R3HDM1: variants seen among roughly 807,000 people sequenced by gnomAD.
R3HDM1 encodes the protein R3H domain containing 1, also known as R3H domain-containing protein 1.
R3HDM1 carries 46 observed loss-of-function variants against 141.1 expected under a neutral mutation model. The ratio of observed to expected loss-of-function variants is 0.33; its 90% CI spans 0.26 to 0.42. R3HDM1 has a LOEUF of 0.42. Among genes scored for constraint, R3HDM1 ranks in the 10% least tolerant of loss-of-function variants. R3HDM1 has a pLI of 1.00. For missense variants in R3HDM1, 1,184 were observed against 1,368.3 expected, an observed-to-expected ratio of 0.87 and a Z score of 2.12; for synonymous variants, 435 against 472.9, an observed-to-expected ratio of 0.92 and a Z score of 1.04.
At chr2:135,624,198 A>G (rs1401098294) in intron 7 of R3HDM1, among the ~76,000 whole-genome samples, 1 of 152,138 alleles carries the variant, frequency 6.6e-6, no homozygotes, top group Non-Finnish European at 1.5e-5. Context: ...GATCGAGACC[A>G]TCCTGGCTAA....
At chr2:135,615,451 C>T (rs2060936321) in intron 3 of R3HDM1, among the ~76,000 whole-genome samples, 2 of 152,188 alleles carry the variant, frequency 1.3e-5, no homozygotes, top group Non-Finnish European at 2.9e-5. Flanking sequence ...ACAGGTGCTT[C>T]AGCTGGTTTC....
chr2:135,661,189 AT>A, intron 18 of R3HDM1, 80 bp from the exon 19 acceptor site: 1 of 1,530,310 alleles, frequency 6.5e-7, no homozygotes, highest in Non-Finnish European at 8.9e-7. Flanking sequence ...ATTATTACTC[AT>A]TAAACTCTGA....
At chr2:135,605,286 G>A (rs1162903984) in intron 3 of R3HDM1, 1 of 205,602 alleles carries the variant, frequency 4.9e-6, no homozygotes, top group African/African-American at 2.4e-5. Context: ...CTAATTACCA[G>A]TGCTGTGAGA....
At chr2:135,651,018 A>G in intron 17 of R3HDM1, 1 of 985,442 alleles carries the variant, frequency 1.0e-6, no homozygotes, top group Non-Finnish European at 1.2e-6. Flanking sequence ...ATCCTGTTGA[A>G]TTAGAGAAAT....
intron 20 of R3HDM1, among the ~76,000 whole-genome samples, chr2:135,677,453 T>C (rs1455394284): frequency 2.0e-5 from 3 of 152,182 alleles, no homozygotes; most frequent in Non-Finnish European, 4.4e-5. Context: ...CTGGTTCTAC[T>C]ATCTAATCCA....
intron 19 of R3HDM1, chr2:135,667,159 G>T (rs759056918): frequency 3.1e-6 from 3 of 974,372 alleles, no homozygotes; most frequent in Non-Finnish European, 3.7e-6. Context: ...GTTAATGCCT[G>T]TTCAATACTT....
At chr2:135,613,588 G>A (rs966754027) in intron 3 of R3HDM1, among the ~76,000 whole-genome samples, 1 of 152,134 alleles carries the variant, frequency 6.6e-6, no homozygotes, top group African/African-American at 2.4e-5. Flanking sequence ...AGGCCAAGGC[G>A]GACTGCTCAG....
intron 16 of R3HDM1, among the ~76,000 whole-genome samples, chr2:135,646,667 G>C (rs2064467811): frequency 6.6e-6 from 1 of 151,012 alleles, no homozygotes; most frequent in South Asian, 2.1e-4. Flanking sequence ...GGCCCAAATG[G>C]TGAAACCCCC....
intron 21 of R3HDM1, among the ~76,000 whole-genome samples, chr2:135,685,018 C>T (rs1056695690): frequency 6.6e-6 from 1 of 152,158 alleles, no homozygotes; most frequent in Admixed American, 6.5e-5. Flanking sequence ...CTCACCTCTA[C>T]CCCCAAAGTG....
intron 21 of R3HDM1, among the ~76,000 whole-genome samples, chr2:135,691,276 T>C (rs1210152843): frequency 6.6e-6 from 1 of 152,206 alleles, no homozygotes; most frequent in Non-Finnish European, 1.5e-5. Context: ...AGCAATCAAA[T>C]TTTTTAACAT....
At chr2:135,615,197 C>T (rs148120720) in intron 3 of R3HDM1, among the ~76,000 whole-genome samples, 13 of 150,378 alleles carry the variant, frequency 8.6e-5, no homozygotes, top group African/African-American at 3.2e-4. Flanking sequence ...ACTGTAGACT[C>T]TTGTTTCTGT....
chr2:135,595,521 A>G (rs1449935734), intron 1 of R3HDM1, among the ~76,000 whole-genome samples: 1 of 152,216 alleles, frequency 6.6e-6, no homozygotes, highest in Non-Finnish European at 1.5e-5. Flanking sequence ...GCTGCAAACT[A>G]TGTAATACTG....
chr2:135,669,723 A>G, intron 19 of R3HDM1: 1 of 273,856 alleles, frequency 3.7e-6, no homozygotes, highest in East Asian at 1.8e-4. Context: ...CTCAGCTGAA[A>G]AACAGGGATA....
chr2:135,568,475 G>A (rs1324857623), intron 1 of R3HDM1, among the ~76,000 whole-genome samples: 4 of 151,880 alleles, frequency 2.6e-5, no homozygotes, highest in Non-Finnish European at 5.9e-5. Context: ...TCAGCCTCCC[G>A]AGTAGCTGGG....
intron 23 of R3HDM1, among the ~76,000 whole-genome samples, chr2:135,712,727 C>G (rs1266717742): frequency 1.3e-5 from 2 of 151,200 alleles, no homozygotes; most frequent in African/African-American, 4.9e-5. Flanking sequence ...CGAGACCATC[C>G]TGGTTAACAT....
chr2:135,605,978 C>G (rs2105117675), intron 3 of R3HDM1: 1 of 151,540 alleles, frequency 6.6e-6, no homozygotes, highest in Non-Finnish European at 1.5e-5. Flanking sequence ...GCCATCGCAC[C>G]TGGCCCACAA....
chr2:135,619,021 C>CAAA (rs34537777), intron 5 of R3HDM1, among the ~76,000 whole-genome samples: 2 of 112,284 alleles, frequency 1.8e-5, no homozygotes, highest in Non-Finnish European at 1.9e-5. Flanking sequence ...ACTCTTATCT[C>CAAA]AAAAAAAAAA....
rs1157499755 is a variant in R3HDM1, at chr2:135,622,030, A to G, written c.418+422A>G. On this transcript the variant is annotated intron_variant, in intron 6 of 26. Transcript: ENST00000683871. ...TTTATAAGTTTGGAGGGTCTTCACT[A>G]TTACCTAGCATTGCAGATCAATAGA... 9 of 984,394 alleles carry G rather than the reference A, an allele frequency of 9.1e-6. No individual in the cohort carries two copies. The African/African-American group carries it at 1.4e-4, about 15-fold the overall frequency. 61.0% of individuals were successfully genotyped at this position (984,394 alleles called of 1,614,324 possible).
chr2:135,674,999 T>G (rs1367902397), intron 19 of R3HDM1, among the ~76,000 whole-genome samples: 2 of 152,122 alleles, frequency 1.3e-5, no homozygotes, highest in African/African-American at 4.8e-5. Context: ...GCTCATGTTA[T>G]GTAGCAACTC....
Sources: allele counts gnomAD v4.1 joint callset (sites outside exome capture counted in the v4.1 genomes callset), GRCh38; gene constraint gnomAD v4.1.1; transcripts MANE v1.5; gene names NCBI Gene and HGNC (gene_info 2026-07-23, HGNC 2026-07-21).